The following PECAM1 variants were observed in gnomAD, a reference collection of about 807,000 sequenced individuals.
PECAM1 encodes the protein platelet endothelial cell adhesion molecule.
PECAM1 carries 8 observed loss-of-function variants against 13.8 expected under a neutral mutation model. That is an observed-to-expected ratio of 0.58 (90% CI 0.34 to 1.05). PECAM1 has a LOEUF of 1.05. PECAM1 is among the 50% of genes least tolerant of loss of function. The pLI, the probability that PECAM1 is intolerant of heterozygous loss-of-function variation, is 0.03. For synonymous variants in PECAM1, 136 were observed against 52.6 expected, an observed-to-expected ratio of 2.58 and a Z score of -6.86; for missense variants, 304 against 141.2, an observed-to-expected ratio of 2.15 and a Z score of -5.84.
intron 9 of PECAM1, among the ~76,000 whole-genome samples, chr17:64,354,465 A>C (rs1459505871): frequency 6.6e-6 from 1 of 152,022 alleles, no homozygotes; most frequent in Non-Finnish European, 1.5e-5. Context: ...CCACAAAAAA[A>C]TTTTTGCAGG....
In PECAM1 at chr17:64,360,201, A is replaced by T. The variant is rs2035940502; in HGVS notation, c.1431T>A (p.Val477=). 1 of 475,312 alleles carries T rather than the reference A, an allele frequency of 2.1e-6. No individual in the cohort carries two copies. The highest frequency in any genetic ancestry group is 6.7e-5 in the South Asian group (1 of 14,888). 29.4% of individuals were successfully genotyped at this position (475,312 alleles called of 1,614,324 possible). The stretch of plus-strand genomic sequence containing the variant: ...TGGCATGGGAATGGCAATTATCTGC[A>T]ACACACTGGTATTCGACGTCTTCAG... ...NPTEDVEYQC[V]ADNCHSHAKM... The change falls in exon 7 of 16, where the codon GTT becomes GTA. Residue 477 remains valine, a synonymous_variant. Coordinates refer to ENST00000563924, the MANE Select transcript of PECAM1 (RefSeq NM_000442.5).
In PECAM1 at chr17:64,321,942, G is replaced by A. The variant is rs2034818604; in HGVS notation, c.*1874C>T. The stretch of plus-strand genomic sequence containing the variant: ...GATCATCAACAGAGACATGAAGGTC[G>A]TTAGAGGTCGTCTGATCCTTTGACC... On this transcript the variant is annotated 3_prime_UTR_variant, in exon 16 of 16. Coordinates refer to ENST00000563924, the MANE Select transcript of PECAM1 (RefSeq NM_000442.5). 5 of 1,321,268 alleles carry A rather than the reference G, an allele frequency of 3.8e-6. No homozygotes were observed. The highest frequency in any genetic ancestry group is 2.0e-5 in the Admixed American group (1 of 51,242). 81.8% of individuals were successfully genotyped at this position (1,321,268 alleles called of 1,614,324 possible).
At chr17:64,329,803 G>A (rs2035056215) in intron 14 of PECAM1, 81 bp from the exon 15 acceptor site, 2 of 727,818 alleles carry the variant, frequency 2.7e-6, no homozygotes, top group Non-Finnish European at 5.1e-6. Context: ...AGGGTCAGGA[G>A]CAGGTCGAGA....
At chr17:64,383,646 G>A (rs1280723579) in intron 2 of PECAM1, among the ~76,000 whole-genome samples, 4 of 152,140 alleles carry the variant, frequency 2.6e-5, no homozygotes, top group African/African-American at 7.2e-5. Context: ...CAACCCTTGC[G>A]TGAGCCTCCC....
intron 10 of PECAM1, among the ~76,000 whole-genome samples, 185 bp downstream of exon 10, chr17:64,353,306 T>TACACACAC (rs138867178): frequency 0.078 from 2,195 of 28,316 alleles, 61 homozygotes; most frequent in African/African-American, 0.091. Flanking sequence ...TCCACGGAGG[T>TACACACAC]ACACACACAC....
intron 2 of PECAM1, among the ~76,000 whole-genome samples, chr17:64,380,724 G>C (rs1181208273): frequency 6.6e-6 from 1 of 152,158 alleles, no homozygotes; most frequent in Non-Finnish European, 1.5e-5. Flanking sequence ...AAGGTGGCTG[G>C]ATAAGGCCAG....
At chr17:64,374,555 G>A (rs1220484031) in intron 4 of PECAM1, among the ~76,000 whole-genome samples, 2 of 151,986 alleles carry the variant, frequency 1.3e-5, no homozygotes, top group Non-Finnish European at 2.9e-5. Flanking sequence ...AGGCCAAGGC[G>A]GGTGGATCGC....
At chr17:64,352,278 G>A (rs2035742006) in intron 11 of PECAM1, 112 bp downstream of exon 11, 1 of 415,322 alleles carries the variant, frequency 2.4e-6, no homozygotes, top group East Asian at 3.5e-5. Context: ...TTGAAGCCAG[G>A]GTTTCTCTTC....
intron 13 of PECAM1, among the ~76,000 whole-genome samples, chr17:64,342,613 T>C (rs1441290158): frequency 1.3e-5 from 2 of 152,038 alleles, no homozygotes; most frequent in African/African-American, 4.8e-5. Flanking sequence ...TCCCTGGTGC[T>C]GGTTTTTTAG....
chr17:64,360,150 C>T lies in PECAM1; in HGVS notation c.1482G>A (p.Val494=), dbSNP rs2035939815. The part of the protein sequence containing the change: ...HAKMLSEVLR[V]KVIAPVDEVQ... Reference sequence around the variant, plus strand: ...AGCACAGCAACTTACCTATCACCTTCACCCTCAGAACCTCACTTAACATTT... The same window carrying T: ...AGCACAGCAACTTACCTATCACCTTTACCCTCAGAACCTCACTTAACATTT... Residue 494 remains valine, a synonymous_variant, in exon 7 of 16, where the codon GTG becomes GTA. Coordinates refer to ENST00000563924, the MANE Select transcript of PECAM1 (RefSeq NM_000442.5). 2 of 475,410 alleles carry T rather than the reference C, an allele frequency of 4.2e-6. No homozygotes were observed. The highest frequency in any genetic ancestry group is 7.7e-6 in the Non-Finnish European group (2 of 259,072). The allele number at this position is 475,410 out of a possible 1,614,324, so 29.4% of individuals were successfully genotyped here.
chr17:64,366,325 CAG>C (rs1290937142), intron 5 of PECAM1, among the ~76,000 whole-genome samples: 1 of 151,806 alleles, frequency 6.6e-6, no homozygotes, highest in African/African-American at 2.4e-5. Context: ...CAGGAAACAA[CAG>C]GTGCTGGAGA....
intron 2 of PECAM1, among the ~76,000 whole-genome samples, chr17:64,382,596 T>A (rs28626399): frequency 0.093 from 14,168 of 152,180 alleles, 2,224 homozygotes; most frequent in African/African-American, 0.32. Flanking sequence ...TCCAGGCTAT[T>A]CTTAAACGCC....
chr17:64,386,771 AAAAC>A (rs1341410321), intron 2 of PECAM1, among the ~76,000 whole-genome samples: 6 of 152,288 alleles, frequency 3.9e-5, no homozygotes, highest in South Asian at 2.1e-4. Context: ...AGTCTCTACA[AAAAC>A]AAACAAACAA....
At chr17:64,332,913 G>A (rs1021180727) in intron 14 of PECAM1, among the ~76,000 whole-genome samples, 61 of 152,356 alleles carry the variant, frequency 4.0e-4, no homozygotes, top group Non-Finnish European at 2.9e-4. Context: ...AGAACTTTGG[G>A]AGACCAAGGC....
chr17:64,360,951 G>A (rs1197640871), intron 6 of PECAM1, among the ~76,000 whole-genome samples: 1 of 151,208 alleles, frequency 6.6e-6, no homozygotes, highest in African/African-American at 2.4e-5. Flanking sequence ...TCAGCCTCCC[G>A]AGTAGCTGGG....
At chr17:64,340,265 G>A (rs1041917456) in intron 14 of PECAM1, among the ~76,000 whole-genome samples, 2 of 152,182 alleles carry the variant, frequency 1.3e-5, no homozygotes, top group African/African-American at 4.8e-5. Context: ...GGTCTGGGCT[G>A]GGCCCGAGAT....
intron 5 of PECAM1, among the ~76,000 whole-genome samples, 168 bp downstream of exon 5, chr17:64,369,582 C>T (rs1167557733): frequency 3.3e-5 from 5 of 152,146 alleles, no homozygotes; most frequent in South Asian, 2.1e-4. Flanking sequence ...ACTGTTAACT[C>T]GCTCTGCAGT....
At chr17:64,374,978 A>C in intron 4 of PECAM1, 73 bp downstream of exon 4, 1 of 440,058 alleles carries the variant, frequency 2.3e-6, no homozygotes, top group Non-Finnish European at 4.2e-6. Flanking sequence ...GCCCCTTCCC[A>C]GTTCTGGGTT....
intron 2 of PECAM1, among the ~76,000 whole-genome samples, chr17:64,380,067 C>T (rs1431694882): frequency 6.6e-6 from 1 of 151,162 alleles, no homozygotes; most frequent in African/African-American, 2.4e-5. Flanking sequence ...CGCAGTGGCT[C>T]ACGGCTGTAA....
Sources: gnomAD v4.1 joint callset for allele counts (sites outside exome capture counted in the v4.1 genomes callset) on GRCh38, gnomAD v4.1.1 for gene constraint, MANE v1.5 for transcripts, NCBI Gene and HGNC (gene_info 2026-07-23, HGNC 2026-07-21) for gene names.